The following ADGRV1 variants were observed in gnomAD, a reference collection of about 807,000 sequenced individuals.
The protein encoded by ADGRV1 is adhesion G protein-coupled receptor V1.
In ADGRV1, 359 loss-of-function variants were observed where a neutral mutation model predicts 596.2. That is an observed-to-expected ratio of 0.60 (90% CI 0.55 to 0.66). The LOEUF is 0.66. Ranked by LOEUF, ADGRV1 falls within the 30% of genes least tolerant of loss-of-function variation. The pLI is 0.00. For synonymous variants in ADGRV1, 2,681 were observed against 2,679.2 expected (o/e 1.00, Z -0.02); for missense variants, 7,274 against 7,575.6 (o/e 0.96, Z 1.48).
intron 1 of ADGRV1, among the ~76,000 whole-genome samples, chr5:90,596,663 G>C (rs1044213494): frequency 2.0e-5 from 3 of 152,126 alleles, no homozygotes; most frequent in African/African-American, 7.2e-5. Context: ...GGCGGCGCGC[G>C]CCTGCAATTG....
chr5:91,100,853 A>G (rs1791315376), intron 86 of ADGRV1, among the ~76,000 whole-genome samples: 1 of 152,196 alleles, frequency 6.6e-6, no homozygotes, highest in Non-Finnish European at 1.5e-5. Flanking sequence ...CTTATAATCT[A>G]AATCTAATCA....
At chr5:90,596,777 G>A (rs578199800) in intron 1 of ADGRV1, among the ~76,000 whole-genome samples, 20 of 152,264 alleles carry the variant, frequency 1.3e-4, no homozygotes, top group Non-Finnish European at 2.6e-4. Flanking sequence ...GAGGGTGACC[G>A]TGGAAAGAGA....
intron 85 of ADGRV1, among the ~76,000 whole-genome samples, chr5:91,065,755 A>G (rs1206802216): frequency 6.6e-6 from 1 of 152,214 alleles, no homozygotes; most frequent in Non-Finnish European, 1.5e-5. Flanking sequence ...TAATCTTACT[A>G]AATTAGAAAG....
chr5:90,964,271 G>A (rs1778265417), intron 83 of ADGRV1, among the ~76,000 whole-genome samples: 1 of 152,050 alleles, frequency 6.6e-6, no homozygotes, highest in Admixed American at 6.6e-5. Context: ...CTTTTTAAAA[G>A]TTAAGAGGTT....
chr5:90,718,018 A>G (rs1580851957), intron 43 of ADGRV1: 1 of 152,290 alleles, frequency 6.6e-6, no homozygotes, highest in East Asian at 1.9e-4. Context: ...CATTTTCACC[A>G]TTTTTAGTGA....
Position 90,753,743 on chromosome 5 carries a change from T to C in ADGRV1, c.11291T>C (p.Val3764Ala). The part of the protein sequence containing the change: ...ATIDQDRSKS[V>A]ITTLPNDSPF... ...ATTGATCAGGACAGAAGCAAGTCTG[T>C]TATAACAACTTTGCCCAATGACTCA... The change falls in exon 54 of 90, where the codon GTT becomes GCT. Residue 3764 changes from valine to alanine, a missense_variant. Val to Ala is a moderately conservative substitution (Grantham distance 64, BLOSUM62 0). This residue lies in a region of ADGRV1 where 3,643 missense variants were observed against 3,809.2 expected (regional missense o/e 0.96). Coordinates refer to ENST00000405460, the MANE Select transcript of ADGRV1 (RefSeq NM_032119.4). 6.2e-7 allele frequency: 1 copy of C among 1,613,514 alleles called. No homozygotes were observed. The highest frequency in any genetic ancestry group is 8.5e-7 in the Non-Finnish European group (1 of 1,179,636).
chr5:90,603,502 G>A (rs1009245580), intron 1 of ADGRV1, among the ~76,000 whole-genome samples: 18 of 152,250 alleles, frequency 1.2e-4, no homozygotes, highest in African/African-American at 4.3e-4. Context: ...GCACTTCATG[G>A]TGCACAGAGA....
At chr5:91,012,047 T>G (rs1782765746) in intron 85 of ADGRV1, among the ~76,000 whole-genome samples, 1 of 152,020 alleles carries the variant, frequency 6.6e-6, no homozygotes, top group Non-Finnish European at 1.5e-5. Flanking sequence ...ATTCCCACTA[T>G]TACTGCTTAA....
At chr5:91,053,764 A>G (rs1425909167) in intron 85 of ADGRV1, among the ~76,000 whole-genome samples, 1 of 152,200 alleles carries the variant, frequency 6.6e-6, no homozygotes, top group Non-Finnish European at 1.5e-5. Context: ...TGGTTTTGCT[A>G]TCACATTTAA....
At chr5:90,597,528 A>G (rs1401496426) in intron 1 of ADGRV1, among the ~76,000 whole-genome samples, 1 of 152,190 alleles carries the variant, frequency 6.6e-6, no homozygotes, top group African/African-American at 2.4e-5. Context: ...ACTTAAATGA[A>G]AGGATAAGAG....
chr5:90,817,786 T>C (rs1187381656), intron 75 of ADGRV1, among the ~76,000 whole-genome samples: 3 of 152,060 alleles, frequency 2.0e-5, no homozygotes, highest in African/African-American at 4.8e-5. Flanking sequence ...TCTGTTTTGG[T>C]ACCAGTACCA....
intron 83 of ADGRV1, among the ~76,000 whole-genome samples, chr5:90,916,638 T>TTTTTTC (rs1423279396): frequency 1.4e-5 from 2 of 146,840 alleles, no homozygotes; most frequent in East Asian, 4.0e-4. Context: ...CAAATTTTTT[T>TTTTTTC]TTTTTTTTTT....
At chr5:90,946,450 AT>A (rs909572902) in intron 83 of ADGRV1, among the ~76,000 whole-genome samples, 113 of 151,706 alleles carry the variant, frequency 7.4e-4, no homozygotes, top group Non-Finnish European at 1.0e-3. Flanking sequence ...TATTGGTTGG[AT>A]TTTTTTTTAA....
intron 87 of ADGRV1, among the ~76,000 whole-genome samples, chr5:91,138,125 C>T (rs1382493879): frequency 2.6e-5 from 4 of 152,064 alleles, no homozygotes; most frequent in South Asian, 2.1e-4. Flanking sequence ...CACAAGCAAA[C>T]CAGGATCTGA....
intron 42 of ADGRV1, among the ~76,000 whole-genome samples, chr5:90,714,470 T>A (rs549196185): frequency 9.2e-5 from 14 of 151,942 alleles, no homozygotes; most frequent in Non-Finnish European, 1.3e-4. Flanking sequence ...TTTTTTTAAA[T>A]TTAAAATATC....
At chr5:91,145,101 G>A (rs1006441713) in intron 87 of ADGRV1, among the ~76,000 whole-genome samples, 12 of 152,210 alleles carry the variant, frequency 7.9e-5, no homozygotes, top group East Asian at 1.9e-4. Context: ...TACAATCTGC[G>A]TTTAAACATT....
chr5:90,848,653 A>G lies in ADGRV1; in HGVS notation c.17036A>G (p.Lys5679Arg). Residue 5679 changes from lysine to arginine, a missense_variant, in exon 79 of 90, where the codon AAA (lysine) becomes AGA (arginine). Physicochemically the swap from Lys to Arg is conservative, Grantham distance 26. This residue lies in a region of ADGRV1 where 1,874 missense variants were observed against 1,970.2 expected (regional missense o/e 0.95). Transcript: ENST00000405460. ...HLIEKITTEGKIQAFSVASRT... is the reference protein window; with the variant it reads ...HLIEKITTEGRIQAFSVASRT... ...TTTTTCCAGATAACTACTGAAGGAA[A>G]AATTCAAGCTTTCAGTGTTGCCAGC... 1 of 1,513,604 alleles carries G rather than the reference A, an allele frequency of 6.6e-7. No homozygotes were observed. The highest frequency in any genetic ancestry group is 8.8e-7 in the Non-Finnish European group (1 of 1,136,846). 93.8% of individuals were successfully genotyped at this position (1,513,604 alleles called of 1,614,324 possible).
intron 78 of ADGRV1, among the ~76,000 whole-genome samples, chr5:90,847,065 T>C (rs1225658612): frequency 2.0e-5 from 3 of 152,154 alleles, no homozygotes; most frequent in Non-Finnish European, 4.4e-5. Flanking sequence ...TGCTGATTCA[T>C]GCCTTCACAA....
chr5:90,813,765 A>G (rs936418362), intron 74 of ADGRV1, among the ~76,000 whole-genome samples: 1 of 152,120 alleles, frequency 6.6e-6, no homozygotes, highest in Non-Finnish European at 1.5e-5. Context: ...TCTTAATAAT[A>G]TTTCTCACTT....
Sources: allele counts gnomAD v4.1 joint callset (sites outside exome capture counted in the v4.1 genomes callset), GRCh38; gene constraint gnomAD v4.1.1; regional missense constraint gnomAD v4.1.1; transcripts MANE v1.5; gene names NCBI Gene and HGNC (gene_info 2026-07-23, HGNC 2026-07-21).